CEACAM8: variants seen among roughly 807,000 people sequenced by gnomAD.
CEACAM8 encodes the protein cell adhesion molecule CEACAM8.
CEACAM8 carries 31 observed loss-of-function variants against 33.4 expected under a neutral mutation model. The observed-to-expected ratio is 0.93, with a 90% CI of 0.70 to 1.25. The LOEUF (loss-of-function observed/expected upper bound fraction) is 1.25. Among genes scored for constraint, CEACAM8 ranks in the 50% most tolerant of loss-of-function variants. CEACAM8 has a pLI of 0.00. For synonymous variants in CEACAM8, 138 were observed against 164.5 expected (o/e 0.84, Z 1.23); for missense variants, 388 against 434.6 (o/e 0.89, Z 0.95).
chr19:42,584,576 C>A (rs2042304560), intron 4 of CEACAM8, among the ~76,000 whole-genome samples: 2 of 152,156 alleles, frequency 1.3e-5, no homozygotes. Context: ...GAAACATTTC[C>A]TCTGTGTGGG....
At chr19:42,594,613 T>C (rs1207744756) in intron 1 of CEACAM8, 152 bp downstream of exon 1, 20 of 592,700 alleles carry the variant, frequency 3.4e-5, no homozygotes, top group Non-Finnish European at 5.8e-5. Context: ...GATTTTCCTG[T>C]TGTGACCCCT....
chr19:42,593,517 C>T lies in CEACAM8; in HGVS notation c.424+24G>A. 5 of 1,544,130 alleles carry T rather than the reference C, an allele frequency of 3.2e-6. No individual in the cohort carries two copies. In the South Asian group the frequency reaches 6.3e-5, roughly 20 times the overall value. ...GGAAGTAGAACTGACCCCCAACACC[C>T]AGAGGTCATGGGGAATCACTCACGA... On this transcript the variant is annotated intron_variant, in intron 2 of 5. Transcript: ENST00000244336.
chr19:42,588,655 A>G (rs2042376679), intron 4 of CEACAM8, 129 bp downstream of exon 4: 1 of 1,020,042 alleles, frequency 9.8e-7, no homozygotes, highest in Middle Eastern at 2.2e-4. Flanking sequence ...AGGGTTTAGG[A>G]GAAAAGTTGG....
rs1271394309 is a variant in CEACAM8 at position 42,581,024 on chromosome 19, G to A, written c.*370C>T. The A allele has an allele frequency of 1.4e-5, 2 of 147,442 alleles. No homozygotes were observed. The highest frequency in any genetic ancestry group is 3.0e-5 in the Non-Finnish European group (2 of 67,544). 9.1% of individuals were successfully genotyped at this position (147,442 alleles called of 1,614,324 possible). A position where few individuals can be genotyped will look rare whatever the true frequency, so the allele number is the denominator to read the frequency against. Reference sequence around the variant, plus strand: ...GAACCCAGGAGGCGGAGCTTGCAGTGAGTTGAGATCGTGCCACTGCACTCC... The same window carrying A: ...GAACCCAGGAGGCGGAGCTTGCAGTAAGTTGAGATCGTGCCACTGCACTCC... On this transcript the variant is annotated 3_prime_UTR_variant, in exon 6 of 6. Transcript: ENST00000244336.
rs1343742319 is a variant in CEACAM8 at position 42,589,577 on chromosome 19, T to C, written c.583A>G (p.Asn195Asp). ...AGTAGAGTGAGGGTCCTGTTGCCAT[T>C]GGACAGCTGCAGCCTGGGACTGACC... Reference protein sequence around the residue: ...LPVSPRLQLSNGNRTLTLLSV... With the variant: ...LPVSPRLQLSDGNRTLTLLSV... Residue 195 changes from asparagine to aspartate, a missense_variant, in exon 3 of 6, where the codon AAT becomes GAT. Coordinates refer to ENST00000244336, the MANE Select transcript of CEACAM8 (RefSeq NM_001816.4). The C allele has an allele frequency of 6.2e-7, 1 of 1,614,196 alleles. No homozygotes were observed. Among genetic ancestry groups the C allele is most frequent in the East Asian group, 2.2e-5 (1 of 44,884 alleles).
At chr19:42,583,374 G>C (rs771751604) in intron 4 of CEACAM8, 37 bp from the exon 5 acceptor site, 3 of 1,453,796 alleles carry the variant, frequency 2.1e-6, no homozygotes, top group Non-Finnish European at 2.9e-6. Flanking sequence ...GAATGAAGTT[G>C]ATGCCATTTT....
intron 1 of CEACAM8, 37 bp from the exon 2 acceptor site, chr19:42,593,937 A>G (rs1251812171): frequency 3.2e-6 from 5 of 1,541,176 alleles, no homozygotes; most frequent in Non-Finnish European, 4.4e-6. Flanking sequence ...ATATTGCAAC[A>G]TATGTATTGG....
intron 5 of CEACAM8, among the ~76,000 whole-genome samples, chr19:42,581,920 A>T (rs8112716): frequency 4.7e-3 from 119 of 25,160 alleles, no homozygotes; most frequent in African/African-American, 0.011. Context: ...AAAAAAAAAA[A>T]ATATATATAT....
chr19:42,591,271 C>CA (rs1228787954), intron 2 of CEACAM8, among the ~76,000 whole-genome samples: 2 of 152,096 alleles, frequency 1.3e-5, no homozygotes, highest in African/African-American at 4.8e-5. Flanking sequence ...CTCTTGATAA[C>CA]AAAATAAGGT....
At chr19:42,582,117 G>A (rs2042270491) in intron 5 of CEACAM8, among the ~76,000 whole-genome samples, 1 of 151,178 alleles carries the variant, frequency 6.6e-6, no homozygotes, top group South Asian at 2.1e-4. Flanking sequence ...AGCCTCATGT[G>A]CTACCTATTA....
At chr19:42,593,999 GTA>G in intron 1 of CEACAM8, 99 bp from the exon 2 acceptor site, 1 of 1,266,586 alleles carries the variant, frequency 7.9e-7, no homozygotes, top group South Asian at 1.4e-5. Flanking sequence ...TTATGTGTGT[GTA>G]TGTGTGTGTG....
intron 4 of CEACAM8, among the ~76,000 whole-genome samples, chr19:42,584,296 G>A (rs1046090740): frequency 1.3e-5 from 2 of 152,000 alleles, no homozygotes; most frequent in Non-Finnish European, 2.9e-5. Flanking sequence ...GTCAACTCAG[G>A]CTGATGATTA....
At chr19:42,586,405 T>C (rs1004688710) in intron 4 of CEACAM8, among the ~76,000 whole-genome samples, 2 of 152,142 alleles carry the variant, frequency 1.3e-5, no homozygotes, top group African/African-American at 2.4e-5. Flanking sequence ...ACCAGCGGAA[T>C]AGAACAGAAA....
chr19:42,581,440 GTTAC>G (rs2042255320), intron 5 of CEACAM8, 87 bp from the exon 6 acceptor site: 1 of 152,170 alleles, frequency 6.6e-6, no homozygotes. Context: ...TAGAAATTTA[GTTAC>G]TTCTGTGGCA....
chr19:42,583,744 A>G (rs2042290582), intron 4 of CEACAM8, among the ~76,000 whole-genome samples: 1 of 152,150 alleles, frequency 6.6e-6, no homozygotes, highest in African/African-American at 2.4e-5. Flanking sequence ...TGCATTCCAA[A>G]TTGACCACCT....
Position 42,594,803 on chromosome 19 carries a change from C to A in CEACAM8, c.26G>T (p.Cys9Phe), listed in dbSNP as rs1001085189. Residue 9 changes from cysteine to phenylalanine, a missense_variant, in exon 1 of 6, where the codon TGC becomes TTC. Physicochemically the swap from Cys to Phe is radical, Grantham distance 205. Transcript: ENST00000244336. MGPISAPS[C>F]RWRIPWQGLL... Reference sequence around the variant, plus strand: ...CCCCTGCCAGGGGATGCGCCATCTGCAGGAAGGGGCTGAGATGGGCCCCAT... The same window carrying A: ...CCCCTGCCAGGGGATGCGCCATCTGAAGGAAGGGGCTGAGATGGGCCCCAT... 3.7e-6 allele frequency: 6 copies of A among 1,611,378 alleles called. No individual in the cohort carries two copies. Among genetic ancestry groups the A allele is most frequent in the Admixed American group, 1.7e-5 (1 of 59,916 alleles).
Position 42,593,746 on chromosome 19 carries a change from C to T in CEACAM8, c.219G>A (p.Val73=), listed in dbSNP as rs185862189. ...ATCCTATAATTCGACGGTTGGCATC[C>T]ACTGTTTCCCCTTTGTACCAGTTGT... is the stretch of plus-strand genomic sequence containing the variant. ...RGYNWYKGET[V]DANRRIIGYV... is the part of the protein sequence containing the mutation. The change falls in exon 2 of 6, where the codon GTG becomes GTA. Residue 73 remains valine, a synonymous_variant. Transcript: ENST00000244336. The T allele has an allele frequency of 1.9e-6, 3 of 1,614,036 alleles. No homozygotes were observed. The highest frequency in any genetic ancestry group is 1.7e-4 in the Middle Eastern group (1 of 6,060).
chr19:42,589,003 T>A lies in CEACAM8; in HGVS notation c.739A>T (p.Thr247Ser), dbSNP rs45591641. 2.9e-5 allele frequency: 46 copies of A among 1,613,722 alleles called. No homozygotes were observed. Among genetic ancestry groups the A allele is most frequent in the Non-Finnish European group, 3.9e-5 (46 of 1,179,822 alleles). The change falls in exon 4 of 6, where the codon ACC becomes TCC. Residue 247 changes from threonine to serine, a missense_variant. By Grantham distance (58) the Thr-to-Ser change is moderately conservative. Transcript: ENST00000244336. Reference protein sequence around the residue: ...PDAPTISPSDTYYHAGVNLNL... With the variant: ...PDAPTISPSDSYYHAGVNLNL... Reference sequence around the variant, plus strand: ...AGATTTACCCCTGCATGGTAATAGGTGTCTGAAGGGGAAATGGTGGGGGCA... The same window carrying A: ...AGATTTACCCCTGCATGGTAATAGGAGTCTGAAGGGGAAATGGTGGGGGCA...
intron 5 of CEACAM8, among the ~76,000 whole-genome samples, chr19:42,582,140 T>G (rs2042270647): frequency 2.0e-5 from 3 of 151,638 alleles, no homozygotes; most frequent in Non-Finnish European, 4.4e-5. Flanking sequence ...ACAGGAGTTC[T>G]CCATCCTGGT....
Sources: gnomAD v4.1 joint callset for allele counts (sites outside exome capture counted in the v4.1 genomes callset) on GRCh38, gnomAD v4.1.1 for gene constraint, MANE v1.5 for transcripts, NCBI Gene and HGNC (gene_info 2026-07-23, HGNC 2026-07-21) for gene names.